The following SKIC2 variants were observed in gnomAD, a reference collection of about 807,000 sequenced individuals.
SKIC2 encodes superkiller complex protein 2.
the SKIC2 span, chr6:31,959,876 T>C: frequency 3.0e-6 from 2 of 664,928 alleles, no homozygotes; most frequent in East Asian, 2.7e-5. Context: ...CAGGTAGTTT[T>C]TGGCCAAGCC....
At chr6:31,967,771 C>T in the SKIC2 span, 1 of 1,613,064 alleles carries the variant, frequency 6.2e-7, no homozygotes, top group Non-Finnish European at 8.5e-7. This position sits in a 1 kb window ranked among gnomAD's most constrained non-coding sequence, Gnocchi z 4.9. Context: ...GTGATAAGCC[C>T]TTGTCCCAGG....
chr6:31,960,123 A>G, the SKIC2 span: 1 of 1,611,170 alleles, frequency 6.2e-7, no homozygotes, highest in Non-Finnish European at 8.5e-7. Flanking sequence ...CAGCCCGGTG[A>G]GGAGTCTGGA....
chr6:31,960,789 A>C, the SKIC2 span: 1 of 1,335,086 alleles, frequency 7.5e-7, no homozygotes. Context: ...AGCCCAGGCT[A>C]TCACTGGGCT....
chr6:31,961,744 C>T, the SKIC2 span: 1 of 1,576,634 alleles, frequency 6.3e-7, no homozygotes, highest in South Asian at 1.1e-5. Context: ...GACCCCTTGT[C>T]TCCTCTATTG....
At chr6:31,960,361 AAC>A in the SKIC2 span, 1 of 1,605,230 alleles carries the variant, frequency 6.2e-7, no homozygotes, top group Non-Finnish European at 8.5e-7. Flanking sequence ...GGTCATGAGA[AAC>A]AGTTGGGGAG....
the SKIC2 span, chr6:31,960,944 A>G: frequency 1.0e-6 from 1 of 997,602 alleles, no homozygotes. Context: ...CCCTATCTAC[A>G]GCATCTGTCC....
At chr6:31,959,571 G>A in the SKIC2 span, 1 of 599,596 alleles carries the variant, frequency 1.7e-6, no homozygotes, top group Non-Finnish European at 3.0e-6. Context: ...GTACATGTGA[G>A]GACAGAGCAG....
the SKIC2 span, chr6:31,961,088 C>A: frequency 1.2e-6 from 2 of 1,613,328 alleles, no homozygotes; most frequent in Non-Finnish European, 1.7e-6. Flanking sequence ...GGACTTTGCA[C>A]CAAAAGGTTA....
the SKIC2 span, chr6:31,964,477 G>A: frequency 2.4e-5 from 16 of 673,546 alleles, no homozygotes; most frequent in African/African-American, 5.3e-5. This position sits in a 1 kb window ranked among gnomAD's most constrained non-coding sequence, Gnocchi z 5.0. Context: ...CAGACTACCT[G>A]GGTTTGAATC....
chr6:31,968,906 C>G, the SKIC2 span: 3 of 1,612,964 alleles, frequency 1.9e-6, no homozygotes, highest in African/African-American at 2.7e-5. This position sits in a 1 kb window ranked among gnomAD's most constrained non-coding sequence, Gnocchi z 6.1. Context: ...ACGAGGCGGG[C>G]ACTGTGAAGC....
chr6:31,963,030 G>A, the SKIC2 span: 12 of 1,612,818 alleles, frequency 7.4e-6, no homozygotes, highest in South Asian at 1.1e-5. The surrounding 1 kb of genome is among the most constrained non-coding windows in gnomAD (Gnocchi z 5.3). Flanking sequence ...ACCTGACCAC[G>A]TTTCTATCAT....
At chr6:31,962,650 TGC>T in the SKIC2 span, 7 of 1,607,528 alleles carry the variant, frequency 4.4e-6, no homozygotes, top group East Asian at 6.7e-5. The surrounding 1 kb of genome is among the most constrained non-coding windows in gnomAD (Gnocchi z 5.0). Context: ...GTGGAGAGTG[TGC>T]TGTCTGAGGA....
At chr6:31,964,289 C>G in the SKIC2 span, 1 of 1,613,082 alleles carries the variant, frequency 6.2e-7, no homozygotes, top group Non-Finnish European at 8.5e-7. This position sits in a 1 kb window ranked among gnomAD's most constrained non-coding sequence, Gnocchi z 5.0. Context: ...TAGCGGCATC[C>G]TGCCCATCCT....
At chr6:31,966,939 G>A in the SKIC2 span, 3 of 1,613,040 alleles carry the variant, frequency 1.9e-6, no homozygotes, top group Non-Finnish European at 2.5e-6. The surrounding 1 kb of genome is among the most constrained non-coding windows in gnomAD (Gnocchi z 5.9). Flanking sequence ...TGTGTTGAGG[G>A]TGGGGAGTGT....
chr6:31,969,541 A>G, the SKIC2 span: 2 of 1,613,778 alleles, frequency 1.2e-6, no homozygotes, highest in South Asian at 2.2e-5. The surrounding 1 kb of genome is among the most constrained non-coding windows in gnomAD (Gnocchi z 6.1). Context: ...CAGGGCTCTC[A>G]GGGACCCCTG....
the SKIC2 span, chr6:31,959,472 T>G: frequency 9.3e-7 from 1 of 1,073,910 alleles, no homozygotes; most frequent in Non-Finnish European, 1.4e-6. Context: ...CACAGTAGGA[T>G]CTAGCTTAAC....
the SKIC2 span, chr6:31,963,107 C>A: frequency 6.3e-7 from 1 of 1,575,464 alleles, no homozygotes; most frequent in Non-Finnish European, 8.7e-7. This position sits in a 1 kb window ranked among gnomAD's most constrained non-coding sequence, Gnocchi z 5.3. Context: ...ACGTGTGTCC[C>A]GGGTTGCCTG....
At chr6:31,965,741 T>C in the SKIC2 span, 135,164 of 1,252,492 alleles carry the variant, frequency 0.11, 9,645 homozygotes, top group African/African-American at 0.27. This position sits in a 1 kb window ranked among gnomAD's most constrained non-coding sequence, Gnocchi z 5.6. Context: ...GGTGTGTGTA[T>C]GTAGAGCCTT....
chr6:31,962,887 T>C, the SKIC2 span: 2 of 1,321,488 alleles, frequency 1.5e-6, no homozygotes, highest in Non-Finnish European at 2.2e-6. This position sits in a 1 kb window ranked among gnomAD's most constrained non-coding sequence, Gnocchi z 5.0. Context: ...CAGGGCCCCT[T>C]ACTGCTTTCT....
Sources: allele counts gnomAD v4.1 joint callset, GRCh38; gene constraint gnomAD v4.1.1; non-coding constraint Gnocchi (gnomAD v3.1); transcripts MANE v1.5; gene names NCBI Gene and HGNC (gene_info 2026-07-23, HGNC 2026-07-21).